NFIC: variants seen among roughly 807,000 people sequenced by gnomAD.
The protein encoded by NFIC is nuclear factor I C.
In NFIC, 12 loss-of-function variants were observed where a neutral mutation model predicts 54.4. The ratio of observed to expected loss-of-function variants is 0.22; its 90% CI spans 0.14 to 0.36. The LOEUF is 0.36. NFIC is among the 10% of genes least tolerant of loss of function. NFIC has a pLI of 1.00. For missense variants in NFIC, 575 were observed against 718.2 expected, an observed-to-expected ratio of 0.80 and a Z score of 2.28; for synonymous variants, 322 against 319.2, an observed-to-expected ratio of 1.01 and a Z score of -0.09.
intron 6 of NFIC, among the ~76,000 whole-genome samples, chr19:3,444,613 G>A (rs1454225681): frequency 2.0e-5 from 3 of 152,200 alleles, no homozygotes; most frequent in Non-Finnish European, 2.9e-5. Flanking sequence ...CCCTGCCCTG[G>A]CTGCCGCTGG....
chr19:3,464,119 C>T lies in NFIC; in HGVS notation c.*1350C>T, dbSNP rs1248822013. The T allele has an allele frequency of 4.1e-5, 40 of 985,222 alleles. No homozygotes were observed. The highest frequency in any genetic ancestry group is 4.6e-5 in the Non-Finnish European group (38 of 829,910). The allele number at this position is 985,222 out of a possible 1,614,324, so 61.0% of individuals were successfully genotyped here. Reference sequence around the variant, plus strand: ...CCAGTGCCTTACATTCTGGAGCGACCCCCCTCCCTGGTGCCTCCCAGCGAA... The same window carrying T: ...CCAGTGCCTTACATTCTGGAGCGACTCCCCTCCCTGGTGCCTCCCAGCGAA... On this transcript the variant is annotated 3_prime_UTR_variant, in exon 11 of 11. Transcript: ENST00000443272.
At chr19:3,380,581 G>A (rs1464530104) in intron 1 of NFIC, among the ~76,000 whole-genome samples, 2 of 147,790 alleles carry the variant, frequency 1.4e-5, no homozygotes, top group African/African-American at 2.5e-5. Context: ...CACCTGCTTC[G>A]GTCTCCCAAA....
chr19:3,437,673 G>T (rs568334048), intron 6 of NFIC, among the ~76,000 whole-genome samples: 2 of 146,076 alleles, frequency 1.4e-5, no homozygotes, highest in South Asian at 4.4e-4. Flanking sequence ...CTTCTGTTTC[G>T]TTTTTTTTGT....
chr19:3,410,938 C>T (rs2081747595), intron 2 of NFIC: 1 of 152,224 alleles, frequency 6.6e-6, no homozygotes, highest in Non-Finnish European at 1.5e-5. Context: ...AGGGTGCAGC[C>T]CTTGTTTCCA....
chr19:3,466,345 A>G lies in NFIC; in HGVS notation c.*3576A>G, dbSNP rs2082716538. On this transcript the variant is annotated 3_prime_UTR_variant, in exon 11 of 11. Transcript: ENST00000443272. This position sits in a 1 kb window ranked among gnomAD's most constrained non-coding sequence, Gnocchi z 4.8. Reference sequence around the variant, plus strand: ...CAGGCAGGGAGGACCCAGGGCTGGGATTCTCCAACCTTAGGCCATTCCTGC... The same window carrying G: ...CAGGCAGGGAGGACCCAGGGCTGGGGTTCTCCAACCTTAGGCCATTCCTGC... The G allele has an allele frequency of 6.6e-6, 1 of 151,810 alleles. No individual in the cohort carries two copies. The highest frequency in any genetic ancestry group is 1.5e-5 in the Non-Finnish European group (1 of 68,012). The allele number at this position is 151,810 out of a possible 1,614,324, so 9.4% of individuals were successfully genotyped here. A position where few individuals can be genotyped will look rare whatever the true frequency, so the allele number is the denominator to read the frequency against.
At chr19:3,413,448 C>T (rs1312959656) in intron 2 of NFIC, among the ~76,000 whole-genome samples, 1 of 152,162 alleles carries the variant, frequency 6.6e-6, no homozygotes, top group African/African-American at 2.4e-5. Context: ...AGACCCATCA[C>T]TACCAGCTGG....
At position 3,464,701 on chromosome 19, in the gene NFIC, T is replaced by A. The variant is rs191016688; in HGVS notation, c.*1932T>A. The A allele has an allele frequency of 2.8e-3, 2,791 of 985,010 alleles. 48 individuals carry two copies. In the African/African-American group the frequency reaches 0.043, roughly 15 times the overall value. 61.0% of individuals were successfully genotyped at this position (985,010 alleles called of 1,614,324 possible). ...TCCTCCCAAACTAGCCTCAGGAGCT[T>A]GGCGAACCCGCTCGCTCCTAAAGAG... On this transcript the variant is annotated 3_prime_UTR_variant, in exon 11 of 11. Transcript: ENST00000443272.
At chr19:3,360,237 G>A (rs1318436939) in intron 1 of NFIC, among the ~76,000 whole-genome samples, 1 of 145,692 alleles carries the variant, frequency 6.9e-6, no homozygotes, top group Non-Finnish European at 1.5e-5. Flanking sequence ...GCCGCCGCCG[G>A]GCGCCTTGAA....
intron 1 of NFIC, among the ~76,000 whole-genome samples, chr19:3,360,175 C>T (rs2080791921): frequency 6.9e-6 from 1 of 145,730 alleles, no homozygotes; most frequent in Non-Finnish European, 1.5e-5. Flanking sequence ...GAGCGCGGCG[C>T]GCCAGCTAGC....
intron 10 of NFIC, chr19:3,457,905 A>C (rs952924939): frequency 6.6e-6 from 1 of 152,208 alleles, no homozygotes; most frequent in Admixed American, 6.5e-5. Flanking sequence ...CAGCCGGAGG[A>C]GGAAGCAGGG....
chr19:3,382,056 C>T lies in NFIC; in HGVS notation c.375C>T (p.Asp125=), dbSNP rs1160651483. The change falls in exon 2 of 11, where the codon GAC becomes GAT. Residue 125 remains aspartate, a synonymous_variant. Transcript: ENST00000443272. ...MRRIDCLRQA[D]KVWRLDLVMV... ...GCATCGACTGTCTCCGGCAGGCGGA[C>T]AAGGTGTGGCGGCTGGACCTGGTCA... is the stretch of plus-strand genomic sequence containing the variant. 2 of 1,613,262 alleles carry T rather than the reference C, an allele frequency of 1.2e-6. No individual in the cohort carries two copies. Among genetic ancestry groups the T allele is most frequent in the African/African-American group, 2.7e-5 (2 of 74,942 alleles).
At chr19:3,378,201 C>T (rs1568405029) in intron 1 of NFIC, among the ~76,000 whole-genome samples, 1 of 148,288 alleles carries the variant, frequency 6.7e-6, no homozygotes, top group Non-Finnish European at 1.5e-5. Flanking sequence ...GCGGAGGTTG[C>T]AGTGAGCCGA....
At chr19:3,445,108 C>A (rs1215662958) in intron 6 of NFIC, among the ~76,000 whole-genome samples, 2 of 152,176 alleles carry the variant, frequency 1.3e-5, no homozygotes, top group Non-Finnish European at 2.9e-5. Flanking sequence ...CATGCGTACA[C>A]ACACATGCAC....
Position 3,462,933 on chromosome 19 carries a change from C to G in NFIC, c.*164C>G. On this transcript the variant is annotated 3_prime_UTR_variant, in exon 11 of 11. Transcript: ENST00000443272. Reference sequence around the variant, plus strand: ...GACAAAACACATAGACGCACACACTCAGGAGGAAAAGAAAAAACAAAGGCA... The same window carrying G: ...GACAAAACACATAGACGCACACACTGAGGAGGAAAAGAAAAAACAAAGGCA... 1 of 1,461,528 alleles carries G rather than the reference C, an allele frequency of 6.8e-7. No homozygotes were observed. The highest frequency in any genetic ancestry group is 9.0e-7 in the Non-Finnish European group (1 of 1,112,798). 90.5% of individuals were successfully genotyped at this position (1,461,528 alleles called of 1,614,324 possible). A position where few individuals can be genotyped will look rare whatever the true frequency, so the allele number is the denominator to read the frequency against.
chr19:3,361,210 G>A (rs1347657590), intron 1 of NFIC, among the ~76,000 whole-genome samples: 1 of 152,216 alleles, frequency 6.6e-6, no homozygotes, highest in African/African-American at 2.4e-5. Context: ...CTCGCCAGGG[G>A]TTGCGCTTGC....
At chr19:3,359,691 T>C in intron 1 of NFIC, 2 of 1,422,788 alleles carry the variant, frequency 1.4e-6, no homozygotes, top group Non-Finnish European at 1.9e-6. Context: ...CCATGGTACG[T>C]CGCCGCACCC....
chr19:3,420,404 C>T (rs1020445376), intron 2 of NFIC, among the ~76,000 whole-genome samples: 3 of 151,640 alleles, frequency 2.0e-5, no homozygotes, highest in Non-Finnish European at 4.4e-5. Context: ...ATTAGCTGGG[C>T]GTGTGGGCGT....
chr19:3,386,747 G>A (rs1346606469), intron 2 of NFIC, among the ~76,000 whole-genome samples: 1 of 152,238 alleles, frequency 6.6e-6, no homozygotes, highest in African/African-American at 2.4e-5. Context: ...CCTCTGCCCT[G>A]TCCTTGACAC....
chr19:3,416,970 G>A (rs1273738605), intron 2 of NFIC, among the ~76,000 whole-genome samples: 3 of 150,134 alleles, frequency 2.0e-5, no homozygotes, highest in East Asian at 4.0e-4. Flanking sequence ...TGCAAGCTCC[G>A]CCTGCCGGGT....
Sources: allele counts gnomAD v4.1 joint callset (sites outside exome capture counted in the v4.1 genomes callset), GRCh38; gene constraint gnomAD v4.1.1; non-coding constraint Gnocchi (gnomAD v3.1); transcripts MANE v1.5; gene names NCBI Gene and HGNC (gene_info 2026-07-23, HGNC 2026-07-21).